JAZF1: variants seen among roughly 807,000 people sequenced by gnomAD.
The protein encoded by JAZF1 is juxtaposed with another zinc finger protein 1.
A neutral mutation model predicts 26.4 loss-of-function variants in JAZF1; 8 were observed. The ratio of observed to expected loss-of-function variants is 0.30; its 90% CI spans 0.18 to 0.55. The LOEUF is 0.55. Ranked by LOEUF, JAZF1 falls within the 20% of genes least tolerant of loss-of-function variation. The pLI is 0.94. For synonymous variants in JAZF1, 126 were observed against 122.3 expected (o/e 1.03, Z -0.20); for missense variants, 199 against 322.0 (o/e 0.62, Z 2.92).
At chr7:27,924,601 G>C (rs1055760061) in intron 2 of JAZF1, among the ~76,000 whole-genome samples, 2 of 152,150 alleles carry the variant, frequency 1.3e-5, no homozygotes, top group Non-Finnish European at 2.9e-5. Flanking sequence ...TGCTTCTCAT[G>C]GGAAAGTCAG....
intron 3 of JAZF1, among the ~76,000 whole-genome samples, chr7:27,859,234 G>A (rs1783330817): frequency 6.6e-6 from 1 of 152,204 alleles, no homozygotes; most frequent in South Asian, 2.1e-4. Context: ...ACAGATGCTG[G>A]AGAGGATGTG....
intron 1 of JAZF1, among the ~76,000 whole-genome samples, chr7:28,093,284 G>A (rs962206523): frequency 6.6e-6 from 1 of 152,166 alleles, no homozygotes; most frequent in African/African-American, 2.4e-5. Flanking sequence ...GTGGCAGTAA[G>A]TCTTGCGAGA....
At chr7:27,904,321 G>A (rs919339997) in intron 2 of JAZF1, among the ~76,000 whole-genome samples, 2 of 152,132 alleles carry the variant, frequency 1.3e-5, no homozygotes, top group South Asian at 2.1e-4. Context: ...TTCATGTGGC[G>A]GATCTTCTTA....
At chr7:28,058,879 A>C (rs917019573) in intron 1 of JAZF1, among the ~76,000 whole-genome samples, 2 of 152,198 alleles carry the variant, frequency 1.3e-5, no homozygotes, top group African/African-American at 4.8e-5. Context: ...ATGCTCTGCC[A>C]CTTCAAATGT....
At chr7:27,852,276 C>T (rs1480764450) in intron 3 of JAZF1, among the ~76,000 whole-genome samples, 14 of 152,066 alleles carry the variant, frequency 9.2e-5, no homozygotes, top group Middle Eastern at 3.4e-3. Context: ...GGATTACAGA[C>T]GTGCGCCCCA....
chr7:28,030,826 G>A (rs1783176933), intron 1 of JAZF1, among the ~76,000 whole-genome samples: 2 of 152,084 alleles, frequency 1.3e-5, no homozygotes, highest in Non-Finnish European at 2.9e-5. Context: ...TTTTGGTCTT[G>A]CCCAAAAGTA....
intron 1 of JAZF1, among the ~76,000 whole-genome samples, chr7:28,112,836 C>T (rs1188438780): frequency 6.6e-6 from 1 of 152,148 alleles, no homozygotes; most frequent in Non-Finnish European, 1.5e-5. Flanking sequence ...AAATTTGTAT[C>T]AAGCACAAAA....
intron 2 of JAZF1, among the ~76,000 whole-genome samples, chr7:27,903,068 T>C (rs1319631274): frequency 1.3e-5 from 2 of 149,564 alleles, no homozygotes; most frequent in Non-Finnish European, 3.0e-5. Context: ...CTGGAAATCT[T>C]AACTCGCAAA....
chr7:27,852,952 A>G (rs1394891893), intron 3 of JAZF1, among the ~76,000 whole-genome samples: 1 of 152,062 alleles, frequency 6.6e-6, no homozygotes, highest in Non-Finnish European at 1.5e-5. Context: ...TTTAATTTAA[A>G]TTTTCTTCTC....
At chr7:27,906,302 T>C (rs1289874290) in intron 2 of JAZF1, among the ~76,000 whole-genome samples, 2 of 152,126 alleles carry the variant, frequency 1.3e-5, no homozygotes, top group African/African-American at 4.8e-5. Context: ...TGCAGACCAG[T>C]GGAAACGTCC....
chr7:27,945,538 A>G (rs1784913751), intron 2 of JAZF1, among the ~76,000 whole-genome samples: 1 of 152,144 alleles, frequency 6.6e-6, no homozygotes, highest in Admixed American at 6.5e-5. Flanking sequence ...AGGTCAAGTT[A>G]CACCTGTCCG....
At position 27,940,623 on chromosome 7, in the gene JAZF1, C is replaced by T. The variant is rs968401120; in HGVS notation, c.189-45207G>A. Reference sequence around the variant, plus strand: ...TGAGATGCCAACCAGTCCACGAGAACGACTGACTGCTGCATCTTGGGTGGG... The same window carrying T: ...TGAGATGCCAACCAGTCCACGAGAATGACTGACTGCTGCATCTTGGGTGGG... On this transcript the variant is annotated intron_variant, in intron 2 of 4. Transcript: ENST00000283928. Among the ~76,000 whole-genome samples the T allele has an allele frequency of 1.6e-4, 24 of 152,310 alleles. No individual in the cohort carries two copies. The East Asian group carries it at 1.7e-3, about 11-fold the overall frequency.
At chr7:27,947,072 C>A (rs1784934099) in intron 2 of JAZF1, among the ~76,000 whole-genome samples, 1 of 152,172 alleles carries the variant, frequency 6.6e-6, no homozygotes, top group African/African-American at 2.4e-5. Flanking sequence ...ATAGTGGAAT[C>A]ACAAAGCAAT....
At chr7:27,848,217 G>A (rs1158557811) in intron 3 of JAZF1, among the ~76,000 whole-genome samples, 1 of 152,100 alleles carries the variant, frequency 6.6e-6, no homozygotes, top group Non-Finnish European at 1.5e-5. Flanking sequence ...TCATTTATTT[G>A]TGTCTTCTTC....
At chr7:27,865,490 T>C (rs545842009) in intron 3 of JAZF1, among the ~76,000 whole-genome samples, 1 of 152,298 alleles carries the variant, frequency 6.6e-6, no homozygotes, top group Non-Finnish European at 1.5e-5. Context: ...TTTAAAGCCA[T>C]ATTTAACCAT....
intron 2 of JAZF1, among the ~76,000 whole-genome samples, chr7:27,914,244 T>C (rs1784408630): frequency 6.6e-6 from 1 of 152,206 alleles, no homozygotes. Context: ...CAAGTAGTTA[T>C]GGAGGTACCT....
intron 1 of JAZF1, among the ~76,000 whole-genome samples, chr7:28,025,924 G>T (rs1783086197): frequency 6.6e-6 from 1 of 152,090 alleles, no homozygotes. Context: ...GATAAATCAG[G>T]GTAGGTTATA....
chr7:28,156,418 A>G (rs908534817), intron 1 of JAZF1, among the ~76,000 whole-genome samples: 14 of 152,222 alleles, frequency 9.2e-5, no homozygotes, highest in African/African-American at 3.4e-4. Flanking sequence ...TGATTTGTCT[A>G]TTTTGACTTG....
At chr7:27,935,472 G>A (rs1182381647) in intron 2 of JAZF1, among the ~76,000 whole-genome samples, 1 of 152,176 alleles carries the variant, frequency 6.6e-6, no homozygotes, top group Admixed American at 6.5e-5. Flanking sequence ...ATGATTCCAC[G>A]TGTATGAAAT....
Sources: gnomAD v4.1 joint callset for allele counts (sites outside exome capture counted in the v4.1 genomes callset) on GRCh38, gnomAD v4.1.1 for gene constraint, MANE v1.5 for transcripts, NCBI Gene and HGNC (gene_info 2026-07-23, HGNC 2026-07-21) for gene names.